Variants in SMARCC2 observed in about 807,000 individuals in gnomAD.
SMARCC2 encodes SWI/SNF complex subunit SMARCC2.
Under a neutral mutation model 151.3 loss-of-function variants are expected in SMARCC2, and 15 were observed. That is an observed-to-expected ratio of 0.10 (90% CI 0.07 to 0.15). The LOEUF is 0.15. Ranked by LOEUF, SMARCC2 falls within the 10% of genes least tolerant of loss-of-function variation. SMARCC2 has a pLI of 1.00. For synonymous variants in SMARCC2, 590 were observed against 609.5 expected, an observed-to-expected ratio of 0.97 and a Z score of 0.47; for missense variants, 1,031 against 1,599.7, an observed-to-expected ratio of 0.64 and a Z score of 6.06.
In SMARCC2 at chr12:56,182,513, C is replaced by T. The variant is rs142711390; in HGVS notation, c.633-434G>A. Among the ~76,000 whole-genome samples the T allele has an allele frequency of 4.2e-3, 635 of 151,562 alleles. 5 individuals are homozygous for T. The highest frequency in any genetic ancestry group is 0.014 in the African/African-American group (587 of 41,276). On this transcript the variant is annotated intron_variant, in intron 7 of 28. Transcript: ENST00000550164. ...CTAATTTTTATATTTTTAGTACAGACGGGGTTTCACCATCTTGGCCAGGCT... is the reference window on the plus strand; with the variant it reads ...CTAATTTTTATATTTTTAGTACAGATGGGGTTTCACCATCTTGGCCAGGCT...
At chr12:56,176,816 GTTTTTGTT>G (rs1225160647) in intron 15 of SMARCC2, among the ~76,000 whole-genome samples, 22 of 148,270 alleles carry the variant, frequency 1.5e-4, no homozygotes, top group African/African-American at 3.7e-4. Context: ...AATTTTTTTT[GTTTTTGTT>G]TTTTTGTTTT....
In SMARCC2 at chr12:56,184,831, C is replaced by G; in HGVS notation, c.492+13G>C. 1 of 1,526,754 alleles carries G rather than the reference C, an allele frequency of 6.5e-7. No individual in the cohort carries two copies. Among genetic ancestry groups the G allele is most frequent in the South Asian group, 1.1e-5 (1 of 89,310 alleles). The allele number at this position is 1,526,754 out of a possible 1,614,324, so 94.6% of individuals were successfully genotyped here. A position where few individuals can be genotyped will look rare whatever the true frequency, so the allele number is the denominator to read the frequency against. On this transcript the variant is annotated intron_variant, in intron 5 of 28. Transcript: ENST00000550164. ...ATGGAGTTTCTGAAACCTCTCCTCA[C>G]CAGACCATTTACCTGGTGTCTCTTG...
intron 3 of SMARCC2, chr12:56,185,333 C>T: frequency 2.0e-6 from 1 of 494,294 alleles, no homozygotes; most frequent in Non-Finnish European, 3.7e-6. Context: ...CACACACCAC[C>T]TCACGTGGCT....
intron 11 of SMARCC2, among the ~76,000 whole-genome samples, 156 bp downstream of exon 11, chr12:56,180,821 A>G (rs544158290): frequency 6.6e-6 from 1 of 152,214 alleles, no homozygotes; most frequent in Non-Finnish European, 1.5e-5. Context: ...AGGATTTTCC[A>G]GGGTAATGAC....
rs140820398 is a variant in SMARCC2 at position 56,169,546 on chromosome 12, C to T, written c.2698G>A (p.Ala900Thr). 4 of 1,613,980 alleles carry T rather than the reference C, an allele frequency of 2.5e-6. No individual in the cohort carries two copies. The highest frequency in any genetic ancestry group is 1.3e-5 in the African/African-American group (1 of 74,942). The change falls in exon 25 of 29, where the codon GCC becomes ACC. Residue 900 changes from alanine to threonine, a missense_variant. Physicochemically the swap from Ala to Thr is moderately conservative, Grantham distance 58 (BLOSUM62 0). Transcript: ENST00000550164. ...STAAAAALAA[A>T]AVKAKHLAAV... ...GGCCTCACCTTAGCTTTCACTGCGG[C>T]GGCGGCCAGGGCGGCGGCAGCAGCG...
Position 56,185,106 on chromosome 12 carries a change from C to T in SMARCC2, c.323G>A (p.Arg108His). 1 of 1,613,910 alleles carries T rather than the reference C, an allele frequency of 6.2e-7. No individual in the cohort carries two copies. The highest frequency in any genetic ancestry group is 8.5e-7 in the Non-Finnish European group (1 of 1,179,844). ...GCGTGATGGATTCTGGAAATCGTAA[C>T]GCCGCCTTGTGAAGAGGCAATAATC... ...YKFKSDQGWR[R>H]YDFQNPSRMD... Residue 108 changes from arginine to histidine, a missense_variant, in exon 4 of 29, where the codon CGT becomes CAT. This residue lies in a region of SMARCC2 where 16 missense variants were observed against 56.0 expected (regional missense o/e 0.29). Transcript: ENST00000550164.
At chr12:56,183,197 C>T (rs920833863) in intron 7 of SMARCC2, 4 of 153,260 alleles carry the variant, frequency 2.6e-5, no homozygotes, top group African/African-American at 9.7e-5. Context: ...CTCTGTCGCC[C>T]AGGCTAGAGT....
intron 19 of SMARCC2, 33 bp downstream of exon 19, chr12:56,172,552 T>C: frequency 6.2e-7 from 1 of 1,613,830 alleles, no homozygotes; most frequent in Non-Finnish European, 8.5e-7. Context: ...GAGCGAACAT[T>C]CTCTACCCCT....
intron 17 of SMARCC2, among the ~76,000 whole-genome samples, chr12:56,173,246 G>A (rs942658496): frequency 6.6e-6 from 1 of 152,092 alleles, no homozygotes; most frequent in Admixed American, 6.5e-5. Flanking sequence ...TGGACAATTA[G>A]GTTCTAATCC....
chr12:56,183,974 G>T, intron 6 of SMARCC2, 44 bp from the exon 7 acceptor site: 1 of 1,450,086 alleles, frequency 6.9e-7, no homozygotes, highest in Non-Finnish European at 9.6e-7. Context: ...GCTAAAGGGG[G>T]ACACAAAAAA....
chr12:56,182,190 AT>A (rs1004027468), intron 7 of SMARCC2, 111 bp from the exon 8 acceptor site: 101 of 666,682 alleles, frequency 1.5e-4, no homozygotes, highest in South Asian at 2.5e-4. Flanking sequence ...TTCTTGGCTT[AT>A]TTTTTTTGTA....
intron 16 of SMARCC2, 63 bp downstream of exon 16, chr12:56,174,588 G>A: frequency 9.3e-7 from 1 of 1,078,584 alleles, no homozygotes; most frequent in Non-Finnish European, 1.4e-6. Flanking sequence ...CTCTACTGTT[G>A]CCAAAACACA....
intron 15 of SMARCC2, among the ~76,000 whole-genome samples, chr12:56,176,032 T>C (rs1159563091): frequency 1.3e-5 from 2 of 152,132 alleles, no homozygotes; most frequent in Non-Finnish European, 2.9e-5. Flanking sequence ...CTAATTTTTG[T>C]ATTTTTAGTA....
At chr12:56,178,662 G>T in intron 13 of SMARCC2, 128 bp from the exon 14 acceptor site, 2 of 1,460,040 alleles carry the variant, frequency 1.4e-6, no homozygotes, top group South Asian at 2.3e-5. Context: ...ATGGGCCCCA[G>T]GACTCTGAAA....
chr12:56,170,343 A>C (rs1251608731), intron 22 of SMARCC2, 135 bp from the exon 23 acceptor site: 3 of 741,780 alleles, frequency 4.0e-6, no homozygotes, highest in Non-Finnish European at 2.3e-6. Context: ...GGCCCACGCA[A>C]TCCTCCCACC....
intron 7 of SMARCC2, 87 bp downstream of exon 7, chr12:56,183,774 A>C (rs1876708528): frequency 4.9e-6 from 4 of 824,636 alleles, no homozygotes; most frequent in African/African-American, 1.7e-5. Context: ...AATAACTCTG[A>C]AAGAGTGGCC....
chr12:56,184,411 G>A, intron 5 of SMARCC2, 167 bp from the exon 6 acceptor site: 2 of 597,150 alleles, frequency 3.3e-6, no homozygotes, highest in South Asian at 4.4e-5. Context: ...AGCTGGGATT[G>A]TGCTAATAAT....
rs767376737 is a variant in SMARCC2 at position 56,163,680 on chromosome 12, G to C, written c.*9C>G. ...AGGGGGTGAGGGGGAGAGATGTCTG[G>C]CTGGCTCCTCACTGTGGAGGTGGCA... On this transcript the variant is annotated 3_prime_UTR_variant, in exon 29 of 29. Transcript: ENST00000550164. 6.7e-6 allele frequency: 10 copies of C among 1,484,552 alleles called. No individual in the cohort carries two copies. The Admixed American group carries it at 2.7e-4, about 40-fold the overall frequency. 92.0% of individuals were successfully genotyped at this position (1,484,552 alleles called of 1,614,324 possible).
Position 56,172,417 on chromosome 12 carries a change from GC to G in SMARCC2, c.1926+10del, listed in dbSNP as rs1463244350. The G allele has an allele frequency of 6.4e-7, 1 of 1,555,084 alleles. No individual in the cohort carries two copies. The highest frequency in any genetic ancestry group is 1.2e-5 in the South Asian group (1 of 82,268). Reference sequence around the variant, plus strand: ...TTCAGAGAAAAACTCTCTTTTCTTTGCCCCAATTACCTCCAGGAGAAGCAGG... The same window carrying G: ...TTCAGAGAAAAACTCTCTTTTCTTTGCCCAATTACCTCCAGGAGAAGCAGG... On this transcript the variant is annotated intron_variant, in intron 20 of 28. Coordinates refer to ENST00000550164, the MANE Select transcript of SMARCC2 (RefSeq NM_001330288.2).
Sources: gnomAD v4.1 joint callset for allele counts (sites outside exome capture counted in the v4.1 genomes callset) on GRCh38, gnomAD v4.1.1 for gene constraint, gnomAD v4.1.1 regional missense constraint, MANE v1.5 for transcripts, NCBI Gene and HGNC (gene_info 2026-07-23, HGNC 2026-07-21) for gene names.